NFIB: variants seen among roughly 807,000 people sequenced by gnomAD.
The protein encoded by NFIB is nuclear factor 1 B-type.
NFIB carries 11 observed loss-of-function variants against 61.5 expected under a neutral mutation model. That is an observed-to-expected ratio of 0.18 (90% CI 0.11 to 0.30). The LOEUF is 0.30. Among genes scored for constraint, NFIB ranks in the 10% least tolerant of loss-of-function variants. The probability of loss-of-function intolerance (pLI) is 1.00; values close to 1 mark genes in which losing one functional copy is unlikely to be tolerated. For missense variants in NFIB, 471 were observed against 608.9 expected, an observed-to-expected ratio of 0.77 and a Z score of 2.38; for synonymous variants, 260 against 216.5, an observed-to-expected ratio of 1.20 and a Z score of -1.76.
At chr9:14,270,579 CAAAAAAAAA>C (rs147823074) in intron 2 of NFIB, among the ~76,000 whole-genome samples, 4 of 54,406 alleles carry the variant, frequency 7.4e-5, no homozygotes, top group Admixed American at 2.9e-4. Context: ...CCTTAGATCA[CAAAAAAAAA>C]AAAAAAAAAA....
intron 2 of NFIB, among the ~76,000 whole-genome samples, chr9:14,268,187 T>G (rs759954527): frequency 6.6e-6 from 1 of 151,990 alleles, no homozygotes; most frequent in African/African-American, 2.4e-5. Context: ...ATATTTTACA[T>G]GAAAATTTAA....
At chr9:14,421,865 T>G in the NFIB span, among the ~76,000 whole-genome samples, 1 of 152,216 alleles carries the variant, frequency 6.6e-6, no homozygotes, top group East Asian at 1.9e-4. Context: ...TGTCAGAAAT[T>G]TTAATAGATA....
chr9:14,359,351 A>C (rs1048201482), intron 1 of NFIB, among the ~76,000 whole-genome samples: 2 of 152,242 alleles, frequency 1.3e-5, no homozygotes, highest in African/African-American at 4.8e-5. Context: ...CTTATGGGAT[A>C]AAGGCAGAAG....
intron 2 of NFIB, among the ~76,000 whole-genome samples, chr9:14,253,239 T>C (rs993731081): frequency 6.6e-6 from 1 of 152,250 alleles, no homozygotes. Context: ...AGATGCATCA[T>C]ATCCTACTGC....
At chr9:14,157,211 T>C (rs2043531947) in intron 3 of NFIB, among the ~76,000 whole-genome samples, 1 of 152,210 alleles carries the variant, frequency 6.6e-6, no homozygotes, top group Admixed American at 6.5e-5. Flanking sequence ...CGATCAGCTA[T>C]ATACCGAATT....
intron 1 of NFIB, among the ~76,000 whole-genome samples, chr9:14,372,162 GAA>G (rs779571036): frequency 6.7e-6 from 1 of 150,172 alleles, no homozygotes; most frequent in African/African-American, 2.5e-5. Flanking sequence ...GGCTCTTATT[GAA>G]AACAAGAAAA....
At chr9:14,500,790 T>C in the NFIB span, among the ~76,000 whole-genome samples, 1 of 152,180 alleles carries the variant, frequency 6.6e-6, no homozygotes, top group African/African-American at 2.4e-5. Flanking sequence ...CTTCATGCCA[T>C]CTTGGGACTC....
At position 14,113,024 on chromosome 9, in the gene NFIB, T is replaced by C; in HGVS notation, c.1442A>G (p.Asp481Gly). 6.5e-7 allele frequency: 1 copy of C among 1,550,238 alleles called. No individual in the cohort carries two copies. The highest frequency in any genetic ancestry group is 1.4e-5 in the African/African-American group (1 of 73,098). The change falls in exon 10 of 11, where the codon GAC becomes GGC. Residue 481 changes from aspartate (D) to glycine (G), a missense_variant. By Grantham distance (94) the Asp-to-Gly change is moderately conservative. Around this residue, in one of 2 missense-constraint regions of NFIB, gnomAD observed 372 missense variants for 395.6 expected, o/e 0.94. Coordinates refer to ENST00000380953, the MANE Select transcript of NFIB (RefSeq NM_001190737.2). ...ANRYVGLSPR[D>G]PSFLHQQQSW... ...CTGTTGCTGATGTAGGAAGGATGGG[T>C]CTCTTGGGCTTAGTCCCACATATCG...
chr9:14,234,741 A>C (rs866150602), intron 2 of NFIB, among the ~76,000 whole-genome samples: 5 of 151,878 alleles, frequency 3.3e-5, no homozygotes, highest in Admixed American at 2.6e-4. Flanking sequence ...AATTTAACTA[A>C]AATTTTATTA....
the NFIB span, among the ~76,000 whole-genome samples, chr9:14,463,144 T>A: frequency 3.0e-5 from 2 of 65,624 alleles, no homozygotes; most frequent in Non-Finnish European, 6.2e-5. Flanking sequence ...ATAAAATAAT[T>A]ATTTTGATTG....
chr9:14,500,692 T>C, the NFIB span, among the ~76,000 whole-genome samples: 5 of 152,246 alleles, frequency 3.3e-5, no homozygotes, highest in Non-Finnish European at 7.3e-5. Flanking sequence ...CTTGAATGAA[T>C]GGATGAGTGA....
intron 2 of NFIB, among the ~76,000 whole-genome samples, chr9:14,231,321 GGAAAGGCAGA>G: frequency 6.6e-6 from 1 of 151,618 alleles, no homozygotes; most frequent in South Asian, 2.1e-4. Flanking sequence ...AGAGAGACAA[GGAAAGGCAGA>G]GAGAGGGAGA....
chr9:14,203,039 AG>A (rs1201504532), intron 2 of NFIB, among the ~76,000 whole-genome samples: 2 of 152,200 alleles, frequency 1.3e-5, no homozygotes, highest in East Asian at 3.8e-4. Flanking sequence ...CATGCCTTGC[AG>A]GGGACATTTA....
At chr9:14,363,934 T>C (rs975051255) in intron 1 of NFIB, among the ~76,000 whole-genome samples, 3 of 152,188 alleles carry the variant, frequency 2.0e-5, no homozygotes, top group African/African-American at 7.2e-5. Context: ...GGCTGAACCA[T>C]ACTCTCCTTA....
At chr9:14,118,736 TGA>T (rs1300279724) in intron 8 of NFIB, among the ~76,000 whole-genome samples, 2 of 151,582 alleles carry the variant, frequency 1.3e-5, no homozygotes, top group Non-Finnish European at 1.5e-5. Flanking sequence ...TACAAAATCC[TGA>T]GAGTTTTTTT....
At chr9:14,489,616 T>G in the NFIB span, among the ~76,000 whole-genome samples, 1 of 152,192 alleles carries the variant, frequency 6.6e-6, no homozygotes, top group Non-Finnish European at 1.5e-5. Context: ...ACTAGCCTCC[T>G]GGTTCTCCTC....
chr9:14,355,972 TAAAA>T (rs377112705), intron 1 of NFIB, among the ~76,000 whole-genome samples: 1 of 97,260 alleles, frequency 1.0e-5, no homozygotes, highest in African/African-American at 4.1e-5. Context: ...AACAAACAAA[TAAAA>T]AAAAAAAAAA....
At chr9:14,162,803 C>CA (rs1392390261) in intron 3 of NFIB, among the ~76,000 whole-genome samples, 1 of 151,722 alleles carries the variant, frequency 6.6e-6, no homozygotes. Context: ...ATATATTTTC[C>CA]AAAAAAATTC....
intron 2 of NFIB, among the ~76,000 whole-genome samples, chr9:14,282,492 A>G (rs887078243): frequency 2.0e-5 from 3 of 152,238 alleles, no homozygotes; most frequent in African/African-American, 7.2e-5. Flanking sequence ...ACTTTGCAAA[A>G]GTCCAAATTA....
Sources: gnomAD v4.1 joint callset for allele counts (sites outside exome capture counted in the v4.1 genomes callset) on GRCh38, gnomAD v4.1.1 for gene constraint, gnomAD v4.1.1 regional missense constraint, MANE v1.5 for transcripts, NCBI Gene and HGNC (gene_info 2026-07-23, HGNC 2026-07-21) for gene names.